The following ESYT2 variants were observed in gnomAD, a reference collection of about 807,000 sequenced individuals.
The protein encoded by ESYT2 is extended synaptotagmin-2.
Under a neutral mutation model 107.2 loss-of-function variants are expected in ESYT2, and 54 were observed. The ratio of observed to expected loss-of-function variants is 0.50; its 90% CI spans 0.40 to 0.63. ESYT2 has a LOEUF of 0.63. Ranked by LOEUF, ESYT2 falls within the 30% of genes least tolerant of loss-of-function variation. The pLI is 0.00. For missense variants in ESYT2, 1,020 were observed against 1,094.5 expected (o/e 0.93, Z 0.96); for synonymous variants, 491 against 434.1 (o/e 1.13, Z -1.63).
rs201459770 is a variant in ESYT2 at position 158,781,226 on chromosome 7, GGTGT to G, written c.747+6774_747+6777del. Among the ~76,000 whole-genome samples, 951 of 152,216 alleles carry G rather than the reference GGTGT, an allele frequency of 6.2e-3. 10 individuals are homozygous for G. Among genetic ancestry groups the G allele is most frequent in the African/African-American group, 0.021 (874 of 41,548 alleles). ...GTGAACAAGTGTGAGAACAGTGTGA[GGTGT>G]GTGTAAGAATGAGTGAGAACCAGTG... is the stretch of plus-strand genomic sequence containing the variant. On this transcript the variant is annotated intron_variant, in intron 6 of 22. Transcript: ENST00000275418.
intron 13 of ESYT2, among the ~76,000 whole-genome samples, chr7:158,757,568 C>T (rs1477574054): frequency 6.6e-6 from 1 of 152,114 alleles, no homozygotes; most frequent in Non-Finnish European, 1.5e-5. Context: ...AATCCAGCGC[C>T]AAAGGATCCC....
chr7:158,797,888 G>A, intron 3 of ESYT2, 54 bp downstream of exon 3: 2 of 1,555,576 alleles, frequency 1.3e-6, no homozygotes, highest in Non-Finnish European at 1.7e-6. Context: ...GTTGTTTTGT[G>A]TTTTCACAGC....
chr7:158,773,540 G>A, intron 6 of ESYT2, 144 bp from the exon 7 acceptor site: 1 of 680,296 alleles, frequency 1.5e-6, no homozygotes, highest in Non-Finnish European at 2.4e-6. Context: ...ATATACCAAG[G>A]ACATTTTTCT....
In ESYT2 at chr7:158,743,444, G is replaced by A. The variant is rs998483722; in HGVS notation, c.1794+85C>T. 1.6e-5 allele frequency: 24 copies of A among 1,519,880 alleles called. 1 individual carries two copies. Among genetic ancestry groups the A allele is most frequent in the Admixed American group, 7.0e-5 (3 of 42,594 alleles). The allele number at this position is 1,519,880 out of a possible 1,614,324, so 94.1% of individuals were successfully genotyped here. A position where few individuals can be genotyped will look rare whatever the true frequency, so the allele number is the denominator to read the frequency against. On this transcript the variant is annotated intron_variant, in intron 17 of 22. Coordinates refer to ENST00000275418, the MANE Select transcript of ESYT2 (RefSeq NM_001367773.1). ...CAGCCGACACAGAGCTTTCTTCACC[G>A]GCCTCATGCCCGGGGCCCATGAGTA...
At chr7:158,794,078 AG>A (rs1839387467) in intron 3 of ESYT2, among the ~76,000 whole-genome samples, 1 of 152,252 alleles carries the variant, frequency 6.6e-6, no homozygotes, top group South Asian at 2.1e-4. Context: ...GCTCTTTTCA[AG>A]CTTCTTACTC....
intron 2 of ESYT2, among the ~76,000 whole-genome samples, 195 bp from the exon 3 acceptor site, chr7:158,798,271 T>C (rs1394611221): frequency 3.3e-5 from 5 of 152,172 alleles, no homozygotes; most frequent in Non-Finnish European, 7.3e-5. Flanking sequence ...GATTAACCAA[T>C]ATGTTGCAGG....
chr7:158,793,832 C>T lies in ESYT2; in HGVS notation c.508-106G>A. 3.4e-6 allele frequency: 3 copies of T among 894,382 alleles called. No individual in the cohort carries two copies. In the South Asian group the frequency reaches 4.9e-5, roughly 15 times the overall value. The allele number at this position is 894,382 out of a possible 1,614,324, so 55.4% of individuals were successfully genotyped here. A position where few individuals can be genotyped will look rare whatever the true frequency, so the allele number is the denominator to read the frequency against. ...AGAACAAGCTTTAAATTTCAGACTA[C>T]AACAGGAATTAAAATTCTGCCTTCA... On this transcript the variant is annotated intron_variant, in intron 3 of 22. Transcript: ENST00000275418.
intron 6 of ESYT2, among the ~76,000 whole-genome samples, chr7:158,779,491 A>G: frequency 6.6e-6 from 1 of 152,208 alleles, no homozygotes; most frequent in East Asian, 1.9e-4. Flanking sequence ...GAACTGAGAA[A>G]ATCATTTATT....
chr7:158,767,276 A>G (rs181610333), intron 8 of ESYT2, among the ~76,000 whole-genome samples: 5 of 152,362 alleles, frequency 3.3e-5, no homozygotes, highest in Admixed American at 3.3e-4. Flanking sequence ...AGCTCTCATC[A>G]TGACTGCCAG....
In ESYT2 at chr7:158,752,853, C is replaced by T; in HGVS notation, c.1420-10G>A. On this transcript the variant is annotated splice_polypyrimidine_tract_variant and intron_variant, in intron 13 of 22. Transcript: ENST00000275418. The stretch of plus-strand genomic sequence containing the variant: ...ATTCTAATGGGTTACTCTTTCAAGT[C>T]AGAAGAAAACGAATATGCCAAGGGT... The T allele has an allele frequency of 7.7e-7, 1 of 1,301,648 alleles. No individual in the cohort carries two copies. The highest frequency in any genetic ancestry group is 1.2e-5 in the South Asian group (1 of 80,938). The allele number at this position is 1,301,648 out of a possible 1,614,324, so 80.6% of individuals were successfully genotyped here. A position where few individuals can be genotyped will look rare whatever the true frequency, so the allele number is the denominator to read the frequency against.
At chr7:158,794,362 C>T (rs1031329016) in intron 3 of ESYT2, among the ~76,000 whole-genome samples, 2 of 152,168 alleles carry the variant, frequency 1.3e-5, no homozygotes, top group Admixed American at 6.5e-5. Context: ...AAGATGGTAG[C>T]GCACACCTGT....
chr7:158,737,887 CCA>C (rs1317152467), intron 19 of ESYT2, among the ~76,000 whole-genome samples: 2 of 151,994 alleles, frequency 1.3e-5, no homozygotes, highest in Non-Finnish European at 2.9e-5. Flanking sequence ...GTTCGTAAGC[CCA>C]CAGTATCATT....
At chr7:158,816,723 G>A (rs1308309531) in intron 1 of ESYT2, among the ~76,000 whole-genome samples, 1 of 152,178 alleles carries the variant, frequency 6.6e-6, no homozygotes, top group Non-Finnish European at 1.5e-5. Context: ...CATCTACGGA[G>A]CATTTCTTTT....
intron 1 of ESYT2, among the ~76,000 whole-genome samples, chr7:158,806,964 A>T (rs1030622152): frequency 2.5e-4 from 38 of 152,200 alleles, no homozygotes; most frequent in African/African-American, 7.2e-4. Flanking sequence ...TATTCTGTAT[A>T]CTACTTAAAT....
intron 1 of ESYT2, among the ~76,000 whole-genome samples, chr7:158,813,763 C>A (rs933683530): frequency 1.2e-4 from 19 of 152,058 alleles, no homozygotes; most frequent in Admixed American, 1.2e-3. Context: ...TCTCACAGAT[C>A]AAAAACGTTT....
At chr7:158,740,269 C>CT (rs1837144322) in intron 18 of ESYT2, among the ~76,000 whole-genome samples, 1 of 152,238 alleles carries the variant, frequency 6.6e-6, no homozygotes, top group Non-Finnish European at 1.5e-5. Context: ...TCCTGCCCTA[C>CT]CCTTCCTCCT....
intron 13 of ESYT2, among the ~76,000 whole-genome samples, chr7:158,758,533 C>T (rs958787664): frequency 1.3e-5 from 2 of 152,116 alleles, no homozygotes; most frequent in Non-Finnish European, 2.9e-5. Context: ...CACAGGAAGA[C>T]GATTTATGTA....
At chr7:158,769,203 A>G (rs1013479598) in intron 7 of ESYT2, among the ~76,000 whole-genome samples, 3 of 152,146 alleles carry the variant, frequency 2.0e-5, no homozygotes, top group Non-Finnish European at 4.4e-5. Context: ...ATGGGAAAAA[A>G]TTTTTTAAAT....
intron 17 of ESYT2, 31 bp downstream of exon 17, chr7:158,743,498 C>G (rs1448625669): frequency 1.9e-6 from 3 of 1,589,120 alleles, no homozygotes; most frequent in Non-Finnish European, 2.6e-6. Context: ...TCCCCATCCC[C>G]TATGGTGTTC....
Sources: gnomAD v4.1 joint callset for allele counts (sites outside exome capture counted in the v4.1 genomes callset) on GRCh38, gnomAD v4.1.1 for gene constraint, MANE v1.5 for transcripts, NCBI Gene and HGNC (gene_info 2026-07-23, HGNC 2026-07-21) for gene names.